SRPRB: variants seen among roughly 807,000 people sequenced by gnomAD.
SRPRB encodes the protein SRP receptor subunit beta, also known as signal recognition particle receptor subunit beta.
In SRPRB, 20 loss-of-function variants were observed where a neutral mutation model predicts 31.9. The ratio of observed to expected loss-of-function variants is 0.63; its 90% CI spans 0.44 to 0.91. SRPRB has a LOEUF of 0.91. Among genes scored for constraint, SRPRB ranks in the 40% least tolerant of loss-of-function variants. The probability of loss-of-function intolerance (pLI) is 0.00; values close to 1 mark genes in which losing one functional copy is unlikely to be tolerated. For missense variants in SRPRB, 321 were observed against 324.9 expected, an observed-to-expected ratio of 0.99 and a Z score of 0.09; for synonymous variants, 146 against 132.8, an observed-to-expected ratio of 1.10 and a Z score of -0.68.
At chr3:133,786,334 T>G (rs1336957728) in intron 1 of SRPRB, 1 of 152,232 alleles carries the variant, frequency 6.6e-6, no homozygotes, top group African/African-American at 2.4e-5. Context: ...TTGTAAATCT[T>G]TTTGTTAAAA....
At chr3:133,801,892 C>T (rs1276839265), upstream of SRPRB, among the ~76,000 whole-genome samples, 1 of 152,186 alleles carries the variant, frequency 6.6e-6, no homozygotes, top group African/African-American at 2.4e-5. Flanking sequence ...ACCGTCCTTC[C>T]TTGATCTGGA....
intron 4 of SRPRB, among the ~76,000 whole-genome samples, chr3:133,813,851 G>C (rs112140815): frequency 0.013 from 1,953 of 152,332 alleles, 48 homozygotes; most frequent in African/African-American, 0.044. Flanking sequence ...TTCTGTTGGG[G>C]CCATAGGGCT....
chr3:133,827,605 T>G, downstream of SRPRB: 2 of 401,040 alleles, frequency 5.0e-6, no homozygotes, highest in South Asian at 7.6e-5. Flanking sequence ...CACAAAGATA[T>G]GTCCACAAAG....
At chr3:133,816,833 A>G in intron 5 of SRPRB, 45 bp from the exon 6 acceptor site, 2 of 1,518,504 alleles carry the variant, frequency 1.3e-6, no homozygotes, top group Non-Finnish European at 1.8e-6. Flanking sequence ...TGGGGAAAAA[A>G]CTCATTCTCG....
chr3:133,823,778 G>A (rs538250795), downstream of SRPRB, among the ~76,000 whole-genome samples: 1 of 152,242 alleles, frequency 6.6e-6, no homozygotes, highest in African/African-American at 2.4e-5. Flanking sequence ...ATGGAATATG[G>A]CAGCTAGATG....
intron 6 of SRPRB, among the ~76,000 whole-genome samples, chr3:133,818,475 GA>G (rs1373331348): frequency 6.6e-6 from 1 of 152,162 alleles, no homozygotes. Flanking sequence ...TTTAATCTCA[GA>G]TTTATGAGAA....
At chr3:133,799,496 A>G (rs1190776843) in intron 1 of SRPRB, among the ~76,000 whole-genome samples, 1 of 152,194 alleles carries the variant, frequency 6.6e-6, no homozygotes, top group African/African-American at 2.4e-5. Context: ...GGACAGTTAC[A>G]TATGAGCAGT....
upstream of SRPRB, among the ~76,000 whole-genome samples, chr3:133,801,204 A>C (rs1464036068): frequency 6.6e-6 from 1 of 152,168 alleles, no homozygotes; most frequent in Non-Finnish European, 1.5e-5. Context: ...GGGACATTTT[A>C]GTTTATGGAA....
At position 133,811,195 on chromosome 3, in the gene SRPRB, G is replaced by T; in HGVS notation, c.406G>T (p.Ala136Ser). 1 of 1,614,126 alleles carries T rather than the reference G, an allele frequency of 6.2e-7. No homozygotes were observed. Among genetic ancestry groups the T allele is most frequent in the Non-Finnish European group, 8.5e-7 (1 of 1,179,998 alleles). ...GTTCTTAGAGCGGTTTAAGTCTTCA[G>T]CCAGGTAAGAAGGAAAGAAGTGAAG... ...LQFLERFKSS[A>S]RAIVFVVDSA... Residue 136 changes from alanine to serine, a missense_variant, in exon 4 of 7, where the codon GCC becomes TCC. Transcript: ENST00000678299.
intron 1 of SRPRB, chr3:133,792,353 A>G (rs1023304331): frequency 6.6e-6 from 1 of 152,244 alleles, no homozygotes; most frequent in Non-Finnish European, 1.5e-5. Flanking sequence ...AATAATTTAC[A>G]AAAGAGAATT....
upstream of SRPRB, among the ~76,000 whole-genome samples, chr3:133,801,291 C>T (rs907202669): frequency 1.3e-5 from 2 of 152,204 alleles, no homozygotes; most frequent in East Asian, 1.9e-4. Flanking sequence ...GAACTAAAAA[C>T]TTATCAGCAG....
chr3:133,823,092 T>G (rs1464654651), downstream of SRPRB, among the ~76,000 whole-genome samples: 1 of 152,230 alleles, frequency 6.6e-6, no homozygotes, highest in African/African-American at 2.4e-5. Flanking sequence ...GCTCCATCAC[T>G]GCTGCACTTG....
Position 133,805,975 on chromosome 3 carries a change from G to T in SRPRB, c.127G>T (p.Ala43Ser), listed in dbSNP as rs1330291347. 6.2e-7 allele frequency: 1 copy of T among 1,613,260 alleles called. No homozygotes were observed. Among genetic ancestry groups the T allele is most frequent in the Non-Finnish European group, 8.5e-7 (1 of 1,179,534 alleles). The change falls in exon 1 of 7, where the codon GCG becomes TCG. Residue 43 changes from alanine to serine, a missense_variant. Ala to Ser is a moderately conservative substitution (Grantham distance 99, BLOSUM62 1). Transcript: ENST00000678299. ...CCCAACGCTGTTGTCAGTAGTGGTG[G>T]CGGTTCTTGCGGTGCTGCTGACGCT... ...TDPTLLSVVV[A>S]VLAVLLTLVF...
chr3:133,803,379 T>G (rs1334189329), upstream of SRPRB, among the ~76,000 whole-genome samples: 1 of 152,240 alleles, frequency 6.6e-6, no homozygotes, highest in Non-Finnish European at 1.5e-5. Context: ...CTGCCAACCT[T>G]TCTAGCTTCA....
downstream of SRPRB, among the ~76,000 whole-genome samples, chr3:133,823,112 C>T (rs539255049): frequency 6.6e-5 from 10 of 152,308 alleles, no homozygotes; most frequent in South Asian, 2.1e-4. Context: ...GACTCCTAAG[C>T]GCTGTGTGGG....
chr3:133,803,584 C>T (rs1028275832), upstream of SRPRB, among the ~76,000 whole-genome samples: 11 of 152,068 alleles, frequency 7.2e-5, no homozygotes, highest in East Asian at 9.7e-4. Context: ...ATCTGTGTTT[C>T]GCTTCTTGCC....
At chr3:133,798,986 T>C (rs760840782) in intron 1 of SRPRB, among the ~76,000 whole-genome samples, 2 of 152,078 alleles carry the variant, frequency 1.3e-5, no homozygotes, top group Non-Finnish European at 2.9e-5. Context: ...ATCTAAAATT[T>C]GAAGCAACTC....
rs1935231470 is a variant in SRPRB, at chr3:133,810,056, T to C, written c.328-1061T>C. Among the ~76,000 whole-genome samples, 3 of 152,180 alleles carry C rather than the reference T, an allele frequency of 2.0e-5. No individual in the cohort carries two copies. In the South Asian group the frequency reaches 6.2e-4, roughly 31 times the overall value. ...TAATCTCTTTAGATAGTAATATACC[T>C]AGTAATGTATCTTCCAAATTGCTTA... On this transcript the variant is annotated intron_variant, in intron 3 of 6. Coordinates refer to ENST00000678299, the MANE Select transcript of SRPRB (RefSeq NM_001379313.1).
intron 1 of SRPRB, chr3:133,787,987 G>C (rs1217587888): frequency 6.6e-6 from 1 of 152,186 alleles, no homozygotes; most frequent in East Asian, 1.9e-4. Flanking sequence ...CACCAGGTTG[G>C]TGGTGCAGAG....
Sources: gnomAD v4.1 joint callset for allele counts (sites outside exome capture counted in the v4.1 genomes callset) on GRCh38, gnomAD v4.1.1 for gene constraint, MANE v1.5 for transcripts, NCBI Gene and HGNC (gene_info 2026-07-23, HGNC 2026-07-21) for gene names.